Variants in IFI27 observed in about 807,000 individuals in gnomAD.
The protein encoded by IFI27 is interferon alpha inducible protein 27.
IFI27 carries 3 observed loss-of-function variants against 8.9 expected under a neutral mutation model. The ratio of observed to expected loss-of-function variants is 0.34; its 90% confidence interval spans 0.15 to 0.87. The LOEUF is 0.87. Among genes scored for constraint, IFI27 ranks in the 40% least tolerant of loss-of-function variants. The pLI is 0.51. For synonymous variants in IFI27, 66 were observed against 67.3 expected (o/e 0.98, Z 0.09); for missense variants, 152 against 157.7 (o/e 0.96, Z 0.19).
rs1887178891 is a variant in IFI27 at position 94,111,418 on chromosome 14, AG to A, written c.-58-204del. The stretch of plus-strand genomic sequence containing the variant: ...CCCCCCTGGGGAAATAAAGTCCCTC[AG>A]GGCCCTGACCTAACACAGGTCCTTT... On this transcript the variant is annotated intron_variant, in intron 1 of 4. Coordinates refer to ENST00000621160, the Ensembl canonical transcript of IFI27. The surrounding 1 kb of genome is among the most constrained non-coding windows in gnomAD (Gnocchi z 4.3). Among the ~76,000 whole-genome samples the A allele has an allele frequency of 6.6e-6, 1 of 152,138 alleles. No individual in the cohort carries two copies. The highest frequency in any genetic ancestry group is 1.5e-5 in the Non-Finnish European group (1 of 68,030).
chr14:94,106,910 C>T (rs1322719286), upstream of IFI27, among the ~76,000 whole-genome samples: 4 of 151,904 alleles, frequency 2.6e-5, no homozygotes, highest in South Asian at 6.2e-4. Context: ...CAAGCACCCC[C>T]ATGACCGAAA....
chr14:94,109,981 G>A (rs557415039), upstream of IFI27, among the ~76,000 whole-genome samples: 115 of 152,324 alleles, frequency 7.5e-4, no homozygotes, highest in African/African-American at 2.7e-3. Context: ...ACAAGATCAA[G>A]TCCTTGCAGT....
chr14:94,111,999 T>C lies in IFI27; in HGVS notation c.91+226T>C. ...AGCCCTGGGTGTTCCACAGGTCCTCTCCCCTCTGGGCCCGGGCCTCCTCCT... is the reference window on the plus strand; with the variant it reads ...AGCCCTGGGTGTTCCACAGGTCCTCCCCCCTCTGGGCCCGGGCCTCCTCCT... On this transcript the variant is annotated intron_variant, in intron 2 of 4. Coordinates refer to ENST00000621160, the Ensembl canonical transcript of IFI27. This position sits in a 1 kb window ranked among gnomAD's most constrained non-coding sequence, Gnocchi z 4.3. 1.7e-6 allele frequency: 1 copy of C among 600,304 alleles called. No individual in the cohort carries two copies. Among genetic ancestry groups the C allele is most frequent in the Non-Finnish European group, 3.0e-6 (1 of 335,962 alleles). 37.2% of individuals were successfully genotyped at this position (600,304 alleles called of 1,614,324 possible).
upstream of IFI27, among the ~76,000 whole-genome samples, chr14:94,107,034 A>G (rs967379041): frequency 2.6e-5 from 4 of 152,128 alleles, no homozygotes; most frequent in African/African-American, 7.2e-5. Flanking sequence ...TGTCCATTTA[A>G]GTCTTTTGCC....
At chr14:94,115,723 T>C in intron 3 of IFI27, 58 bp from the exon 4 acceptor site, 1 of 1,537,640 alleles carries the variant, frequency 6.5e-7, no homozygotes, top group Non-Finnish European at 8.7e-7. Context: ...CCTGACTCAG[T>C]GTATCTGGGG....
rs143275071 is a variant in IFI27 at position 94,115,847 on chromosome 14, C to T, written c.188C>T (p.Ser63Leu). ...GGCTTCACTGCGGCGGGAATCGCCT[C>T]GTCCTCCATAGCAGCCAAGATGATG... Residue 63 changes from serine to leucine, a missense_variant, in exon 4 of 5, where the codon TCG (serine) becomes TTG (leucine). Ser to Leu is a moderately radical substitution (Grantham distance 145). Coordinates refer to ENST00000621160, the Ensembl canonical transcript of IFI27. 7.4e-4 allele frequency: 1,181 copies of T among 1,602,228 alleles called. 5 individuals carry two copies. The African/African-American group carries it at 9.8e-3, about 13-fold the overall frequency.
chr14:94,114,776 A>G, intron 2 of IFI27, 75 bp from the exon 3 acceptor site: 1 of 1,542,456 alleles, frequency 6.5e-7, no homozygotes. Flanking sequence ...GCCTCCCTTT[A>G]GATGGGCAAT....
chr14:94,112,093 C>CT (rs1396474151), intron 2 of IFI27: 2 of 450,510 alleles, frequency 4.4e-6, no homozygotes, highest in Non-Finnish European at 8.1e-6. Flanking sequence ...CCCAGATTCA[C>CT]CATCAGAATT....
At chr14:94,115,731 G>GT (rs1887364807) in intron 3 of IFI27, 50 bp from the exon 4 acceptor site, 2 of 1,568,210 alleles carry the variant, frequency 1.3e-6, no homozygotes, top group South Asian at 2.3e-5. Flanking sequence ...AGTGTATCTG[G>GT]GGGGGTCCCT....
chr14:94,109,333 G>C (rs1351578774), upstream of IFI27, among the ~76,000 whole-genome samples: 4 of 148,172 alleles, frequency 2.7e-5, no homozygotes, highest in African/African-American at 9.9e-5. Flanking sequence ...GAGGGGAGGG[G>C]AGGGGAGGGC....
chr14:94,112,622 C>T (rs1206172813), intron 2 of IFI27, among the ~76,000 whole-genome samples: 4 of 152,366 alleles, frequency 2.6e-5, no homozygotes. Flanking sequence ...GCCCCTGACT[C>T]CGACCCTGAC....
At position 94,116,480 on chromosome 14, in the gene IFI27, G is replaced by A. The variant is rs532128179; in HGVS notation, c.322G>A (p.Gly108Ser). 6.2e-7 allele frequency: 1 copy of A among 1,613,510 alleles called. No homozygotes were observed. Among genetic ancestry groups the A allele is most frequent in the East Asian group, 2.2e-5 (1 of 44,862 alleles). ...CTCCGGATTGACCAAGTTCATCCTG[G>A]GCTCCATTGGGTCTGCCATTGCGGC... Residue 108 changes from glycine to serine, a missense_variant, in exon 5 of 5, where the codon GGC becomes AGC. Coordinates refer to ENST00000621160, the Ensembl canonical transcript of IFI27. This position sits in a 1 kb window ranked among gnomAD's most constrained non-coding sequence, Gnocchi z 4.3.
chr14:94,108,561 A>G (rs1012798169), upstream of IFI27, among the ~76,000 whole-genome samples: 19 of 152,210 alleles, frequency 1.2e-4, no homozygotes, highest in African/African-American at 3.6e-4. Flanking sequence ...GCTAATTTGC[A>G]AAGTCTCTGG....
At chr14:94,114,657 T>C (rs943586739) in intron 2 of IFI27, 194 bp from the exon 3 acceptor site, 4 of 610,792 alleles carry the variant, frequency 6.5e-6, no homozygotes, top group African/African-American at 1.8e-5. Context: ...GAGGTCAAAC[T>C]CCCCAGTGAT....
intron 2 of IFI27, 138 bp from the exon 3 acceptor site, chr14:94,114,713 G>A: frequency 1.3e-6 from 1 of 781,402 alleles, no homozygotes; most frequent in Non-Finnish European, 2.2e-6. Context: ...GAAGCAAAGA[G>A]CGGTAGACAG....
At chr14:94,109,344 A>C, upstream of IFI27, among the ~76,000 whole-genome samples, 1 of 133,892 alleles carries the variant, frequency 7.5e-6, no homozygotes. Flanking sequence ...AGGGGAGGGC[A>C]GGGAAGGGCA....
In IFI27 at chr14:94,111,790, G is replaced by A. The variant is rs1344011409; in HGVS notation, c.91+17G>A. ...TGCCCCTGGGTGAGTGTTCCTGGGA[G>A]GGGCTGGTGCTGGGGGCGAGGAGGC... On this transcript the variant is annotated intron_variant, in intron 2 of 4. Coordinates refer to ENST00000621160, the Ensembl canonical transcript of IFI27. The surrounding 1 kb of genome is among the most constrained non-coding windows in gnomAD (Gnocchi z 4.3). The A allele has an allele frequency of 1.9e-6, 3 of 1,601,882 alleles. No homozygotes were observed. Among genetic ancestry groups the A allele is most frequent in the African/African-American group, 1.3e-5 (1 of 74,678 alleles).
chr14:94,113,128 A>C (rs1164704056), intron 2 of IFI27: 1 of 152,246 alleles, frequency 6.6e-6, no homozygotes, highest in African/African-American at 2.4e-5. Flanking sequence ...CTGTTGTCCA[A>C]GTGCTCTGGG....
chr14:94,107,217 A>C (rs149154343), upstream of IFI27, among the ~76,000 whole-genome samples: 1,672 of 152,198 alleles, frequency 0.011, 10 homozygotes, highest in Middle Eastern at 0.051. Flanking sequence ...TTACAGGCAC[A>C]CACCACCACG....
Sources: gnomAD v4.1 joint callset for allele counts (sites outside exome capture counted in the v4.1 genomes callset) on GRCh38, gnomAD v4.1.1 for gene constraint, Gnocchi (gnomAD v3.1) non-coding constraint, MANE v1.5 for transcripts, NCBI Gene and HGNC (gene_info 2026-07-23, HGNC 2026-07-21) for gene names.